WFDC10B: variants seen among roughly 807,000 people sequenced by gnomAD.
The protein encoded by WFDC10B is WAP four-disulfide core domain 10B.
In WFDC10B, 1 loss-of-function variant was observed where a neutral mutation model predicts 2.7. The ratio of observed to expected loss-of-function variants is 0.38; its 90% confidence interval spans 0.13 to 1.79. The LOEUF is 1.79. Among genes scored for constraint, WFDC10B ranks in the 40% most tolerant of loss-of-function variants. The pLI is 0.33. For missense variants in WFDC10B, 71 were observed against 87.8 expected, an observed-to-expected ratio of 0.81 and a Z score of 0.76; for synonymous variants, 26 against 32.2, an observed-to-expected ratio of 0.81 and a Z score of 0.65.
chr20:45,688,365 T>C (rs1194443349), intron 2 of WFDC10B, among the ~76,000 whole-genome samples: 6 of 152,166 alleles, frequency 3.9e-5, no homozygotes, highest in African/African-American at 1.2e-4. Flanking sequence ...AGCAGCATTA[T>C]TTATAGTCCT....
At position 45,705,014 on chromosome 20, in the gene WFDC10B, G is replaced by C; in HGVS notation, c.-226C>G. On this transcript the variant is annotated 5_prime_UTR_variant, in exon 1 of 4. Coordinates refer to ENST00000330523, the MANE Select transcript of WFDC10B (RefSeq NM_172006.2). ...CATCCTTTGGCCACCAGTGTTCTTG[G>C]GCTCTGGAGATCCAGCCCAAAGGAA... The C allele has an allele frequency of 6.2e-7, 1 of 1,612,360 alleles. No homozygotes were observed. The highest frequency in any genetic ancestry group is 1.1e-5 in the South Asian group (1 of 91,044).
At chr20:45,690,882 T>C (rs933763759) in intron 2 of WFDC10B, among the ~76,000 whole-genome samples, 2 of 152,184 alleles carry the variant, frequency 1.3e-5, no homozygotes, top group Admixed American at 1.3e-4. Context: ...TGCTAGCTTT[T>C]GAATGTGTTT....
chr20:45,697,237 T>C (rs1600961733), intron 2 of WFDC10B, among the ~76,000 whole-genome samples: 1 of 152,242 alleles, frequency 6.6e-6, no homozygotes, highest in Admixed American at 6.5e-5. Flanking sequence ...AAGGAAACAA[T>C]TTGATTTACA....
intron 2 of WFDC10B, among the ~76,000 whole-genome samples, chr20:45,698,213 C>T (rs1356872456): frequency 6.6e-6 from 1 of 152,140 alleles, no homozygotes; most frequent in East Asian, 1.9e-4. Flanking sequence ...CATGTTTTTC[C>T]CAGCAAGGCT....
intron 2 of WFDC10B, among the ~76,000 whole-genome samples, chr20:45,700,399 G>C (rs1395967385): frequency 6.6e-6 from 1 of 152,136 alleles, no homozygotes; most frequent in Non-Finnish European, 1.5e-5. Flanking sequence ...AGGACAATAT[G>C]AGAAAGACAA....
intron 2 of WFDC10B, among the ~76,000 whole-genome samples, chr20:45,694,033 C>A (rs558422789): frequency 7.7e-4 from 117 of 152,330 alleles, no homozygotes; most frequent in Non-Finnish European, 1.4e-3. Flanking sequence ...GGATACTAGA[C>A]GTTTGTCAGG....
intron 3 of WFDC10B, among the ~76,000 whole-genome samples, chr20:45,685,700 C>T (rs913730232): frequency 6.6e-6 from 1 of 152,212 alleles, no homozygotes; most frequent in African/African-American, 2.4e-5. Context: ...GTAGGTTCCC[C>T]CTTCATTCCC....
chr20:45,696,100 C>T (rs1983968003), intron 2 of WFDC10B, among the ~76,000 whole-genome samples: 3 of 151,784 alleles, frequency 2.0e-5, no homozygotes, highest in Non-Finnish European at 4.4e-5. Flanking sequence ...TCCTGGCTAA[C>T]ACAGTGAAAC....
intron 2 of WFDC10B, among the ~76,000 whole-genome samples, chr20:45,696,628 C>T (rs973889771): frequency 2.0e-5 from 3 of 152,116 alleles, no homozygotes; most frequent in Admixed American, 6.5e-5. Context: ...AACAATTTTA[C>T]ACCAACAAAT....
intron 2 of WFDC10B, among the ~76,000 whole-genome samples, chr20:45,692,200 G>T (rs537110018): frequency 6.6e-6 from 1 of 152,146 alleles, no homozygotes; most frequent in South Asian, 2.1e-4. Context: ...TCTGCCGAGA[G>T]ATCCACTGTT....
intron 2 of WFDC10B, among the ~76,000 whole-genome samples, chr20:45,694,547 G>T (rs1391675523): frequency 2.6e-5 from 4 of 152,166 alleles, no homozygotes; most frequent in African/African-American, 9.7e-5. Flanking sequence ...AACACCACAG[G>T]ATTGAAGGGA....
chr20:45,685,393 C>T (rs1267905240), intron 3 of WFDC10B, among the ~76,000 whole-genome samples: 12 of 152,126 alleles, frequency 7.9e-5, no homozygotes, highest in Admixed American at 2.6e-4. Context: ...CTCTCCTCTC[C>T]ATCACTGTCC....
chr20:45,690,418 C>G (rs1983773770), intron 2 of WFDC10B, among the ~76,000 whole-genome samples: 1 of 151,902 alleles, frequency 6.6e-6, no homozygotes, highest in Admixed American at 6.6e-5. Context: ...AGGAATGGTA[C>G]CAGTTCCTCC....
At chr20:45,695,947 AAGT>A (rs1418581000) in intron 2 of WFDC10B, among the ~76,000 whole-genome samples, 1 of 152,008 alleles carries the variant, frequency 6.6e-6, no homozygotes, top group African/African-American at 2.4e-5. Flanking sequence ...GATGCAGTAA[AAGT>A]AGTTCTCAGG....
chr20:45,702,226 T>C, intron 2 of WFDC10B: 1 of 1,607,738 alleles, frequency 6.2e-7, no homozygotes, highest in Non-Finnish European at 8.5e-7. Flanking sequence ...GTGCTGGATC[T>C]GGGCCCAAGG....
At chr20:45,701,512 A>G (rs781660105) in intron 2 of WFDC10B, among the ~76,000 whole-genome samples, 17 of 152,208 alleles carry the variant, frequency 1.1e-4, no homozygotes, top group Non-Finnish European at 2.1e-4. Flanking sequence ...CTGTAATCCT[A>G]GCACTTTGAG....
chr20:45,692,482 G>T (rs371135343), intron 2 of WFDC10B, among the ~76,000 whole-genome samples: 2 of 152,148 alleles, frequency 1.3e-5, no homozygotes, highest in Admixed American at 1.3e-4. Context: ...CCAATCAGAC[G>T]TAGATTTGGT....
At chr20:45,696,560 A>G (rs1476925235) in intron 2 of WFDC10B, among the ~76,000 whole-genome samples, 4 of 152,180 alleles carry the variant, frequency 2.6e-5, no homozygotes, top group Non-Finnish European at 5.9e-5. Flanking sequence ...ATCAGAAATT[A>G]GAGTGGGACA....
In WFDC10B at chr20:45,688,680, G is replaced by C. The variant is rs898492673; in HGVS notation, c.-64-2624C>G. Reference sequence around the variant, plus strand: ...TGTTCATGTCCTTCGCCCACTTTTTGATGGGGTTGTTTGTTTTTTCCTTGT... The same window carrying C: ...TGTTCATGTCCTTCGCCCACTTTTTCATGGGGTTGTTTGTTTTTTCCTTGT... On this transcript the variant is annotated intron_variant, in intron 2 of 3. Transcript: ENST00000330523. Among the ~76,000 whole-genome samples the C allele has an allele frequency of 5.1e-5, 7 of 136,328 alleles. No homozygotes were observed. The South Asian group carries it at 1.9e-3, about 37-fold the overall frequency. 89.4% of individuals were successfully genotyped at this position (136,328 alleles called of 152,430 possible). A position where few individuals can be genotyped will look rare whatever the true frequency, so the allele number is the denominator to read the frequency against.
Sources: allele counts gnomAD v4.1 joint callset (sites outside exome capture counted in the v4.1 genomes callset), GRCh38; gene constraint gnomAD v4.1.1; transcripts MANE v1.5; gene names NCBI Gene and HGNC (gene_info 2026-07-23, HGNC 2026-07-21).